Variants in NHLRC2 observed in about 807,000 individuals in gnomAD.
NHLRC2 encodes the protein NHL repeat-containing protein 2.
Under a neutral mutation model 68.1 loss-of-function variants are expected in NHLRC2, and 33 were observed. The ratio of observed to expected loss-of-function variants is 0.48; its 90% CI spans 0.37 to 0.65. The LOEUF is 0.65. NHLRC2 is among the 30% of genes least tolerant of loss of function. The probability of loss-of-function intolerance (pLI) is 0.00; values close to 1 mark genes in which losing one functional copy is unlikely to be tolerated. For missense variants in NHLRC2, 761 were observed against 853.8 expected, an observed-to-expected ratio of 0.89 and a Z score of 1.35; for synonymous variants, 311 against 309.6, an observed-to-expected ratio of 1.00 and a Z score of -0.05.
intron 2 of NHLRC2, among the ~76,000 whole-genome samples, chr10:113,863,102 C>A (rs532263114): frequency 6.6e-6 from 1 of 152,124 alleles, no homozygotes; most frequent in African/African-American, 2.4e-5. Context: ...GACAATTCTA[C>A]AATAGTAGTT....
At position 113,916,461 on chromosome 10, in the gene NHLRC2, A is replaced by G. The variant is rs1419809675; in HGVS notation, c.*7925A>G. The stretch of plus-strand genomic sequence containing the variant: ...ATAGCTCAGTTTTTAAAGGAGGGGA[A>G]CAATACCCCATGAGTTCAAATTAAT... On this transcript the variant is annotated 3_prime_UTR_variant, in exon 11 of 11. Coordinates refer to ENST00000369301, the MANE Select transcript of NHLRC2 (RefSeq NM_198514.4). The G allele has an allele frequency of 6.6e-6, 1 of 152,346 alleles. No individual in the cohort carries two copies. The highest frequency in any genetic ancestry group is 6.5e-5 in the Admixed American group (1 of 15,302). 9.4% of individuals were successfully genotyped at this position (152,346 alleles called of 1,614,324 possible). A position where few individuals can be genotyped will look rare whatever the true frequency, so the allele number is the denominator to read the frequency against.
rs1156422766 is a variant in NHLRC2, at chr10:113,909,656, GT to G, written c.*1122del. On this transcript the variant is annotated 3_prime_UTR_variant, in exon 11 of 11. Transcript: ENST00000369301. ...TTAATGATACTATTTTTTAATTTTTGTTGTTTTTTATCCCTAAAAAAAGATA... is the reference window on the plus strand; with the variant it reads ...TTAATGATACTATTTTTTAATTTTTGTGTTTTTTATCCCTAAAAAAAGATA... 6.6e-6 allele frequency: 1 copy of G among 151,450 alleles called. No individual in the cohort carries two copies. The highest frequency in any genetic ancestry group is 2.4e-5 in the African/African-American group (1 of 41,218). The allele number at this position is 151,450 out of a possible 1,614,324, so 9.4% of individuals were successfully genotyped here.
rs370350427 is a variant in NHLRC2, at chr10:113,885,482, A to G, written c.1039+1102A>G. Among the ~76,000 whole-genome samples, 26 of 152,076 alleles carry G rather than the reference A, an allele frequency of 1.7e-4. No homozygotes were observed. The South Asian group carries it at 4.3e-3, about 25-fold the overall frequency. ...TGAACTAAAATTCAGTCTCCATTTT[A>G]TTACCATGCATTAGCAATTCTAAAT... On this transcript the variant is annotated intron_variant, in intron 5 of 10. Transcript: ENST00000369301.
At chr10:113,879,120 G>C (rs575441820) in intron 3 of NHLRC2, among the ~76,000 whole-genome samples, 1 of 152,250 alleles carries the variant, frequency 6.6e-6, no homozygotes, top group African/African-American at 2.4e-5. Flanking sequence ...TTAATCTGGG[G>C]TCCTTGGACT....
Position 113,876,693 on chromosome 10 carries a change from T to C in NHLRC2, c.504T>C (p.Leu168=). The change falls in exon 3 of 11, where the codon CTT becomes CTC. Residue 168 remains leucine, a synonymous_variant. Transcript: ENST00000369301. ...CCTGCTGGCCAACTCTAGTCATACT[T>C]GGACCTCGTGGAAACATGTTGTTTT... ...EVSCWPTLVI[L]GPRGNMLFSL... The C allele has an allele frequency of 6.2e-7, 1 of 1,613,986 alleles. No homozygotes were observed. The highest frequency in any genetic ancestry group is 1.1e-5 in the South Asian group (1 of 91,082).
At chr10:113,859,494 A>AG (rs1218117030) in intron 2 of NHLRC2, among the ~76,000 whole-genome samples, 3 of 152,184 alleles carry the variant, frequency 2.0e-5, no homozygotes, top group Non-Finnish European at 4.4e-5. Context: ...TTAACTTTAA[A>AG]GGGGAAGTGA....
rs1846297724 is a variant in NHLRC2 at position 113,908,795 on chromosome 10, T to G, written c.*259T>G. On this transcript the variant is annotated 3_prime_UTR_variant, in exon 11 of 11. Coordinates refer to ENST00000369301, the MANE Select transcript of NHLRC2 (RefSeq NM_198514.4). ...TGATATTGTAATCTATGCTGCTATT[T>G]GGCACAAGACTGAAGTTCACACTAC... 2 of 469,170 alleles carry G rather than the reference T, an allele frequency of 4.3e-6. No homozygotes were observed. Among genetic ancestry groups the G allele is most frequent in the Admixed American group, 7.1e-5 (2 of 28,342 alleles). 29.1% of individuals were successfully genotyped at this position (469,170 alleles called of 1,614,324 possible). A position where few individuals can be genotyped will look rare whatever the true frequency, so the allele number is the denominator to read the frequency against.
rs17235038 is a variant in NHLRC2, at chr10:113,854,981, C to T, written c.109C>T (p.Leu37=). Residue 37 remains leucine, a synonymous_variant, in exon 1 of 11, where the codon CTG becomes TTG. Coordinates refer to ENST00000369301, the MANE Select transcript of NHLRC2 (RefSeq NM_198514.4). ...CGTTACCCAGCAGGAGAAGGACAGC[C>T]TGGTCTACCAGTATCTGCAGAAGGT... The part of the protein sequence containing the change: ...DAVTQQEKDS[L]VYQYLQKVDG... 37,899 of 1,553,452 alleles carry T rather than the reference C, an allele frequency of 0.024. 559 individuals are homozygous for T. The highest frequency in any genetic ancestry group is 0.036 in the Middle Eastern group (214 of 5,960).
intron 5 of NHLRC2, among the ~76,000 whole-genome samples, chr10:113,895,177 G>A (rs1846165996): frequency 6.6e-6 from 1 of 152,144 alleles, no homozygotes; most frequent in Admixed American, 6.5e-5. Context: ...TGAATCATTA[G>A]TACTATTAGG....
chr10:113,869,810 A>G (rs1845905486), intron 2 of NHLRC2, among the ~76,000 whole-genome samples: 1 of 152,242 alleles, frequency 6.6e-6, no homozygotes, highest in Non-Finnish European at 1.5e-5. Context: ...GTTATAAATA[A>G]TTACTGTGAT....
rs1439373807 is a variant in NHLRC2 at position 113,910,144 on chromosome 10, A to G, written c.*1608A>G. The G allele has an allele frequency of 6.6e-6, 1 of 152,184 alleles. No individual in the cohort carries two copies. Among genetic ancestry groups the G allele is most frequent in the Non-Finnish European group, 1.5e-5 (1 of 68,030 alleles). The allele number at this position is 152,184 out of a possible 1,614,324, so 9.4% of individuals were successfully genotyped here. A position where few individuals can be genotyped will look rare whatever the true frequency, so the allele number is the denominator to read the frequency against. ...CTCCACAAGCAATCAAAAAAATGAA[A>G]TGTTCTGTAATAAAAGGGTGTATAA... On this transcript the variant is annotated 3_prime_UTR_variant, in exon 11 of 11. Transcript: ENST00000369301.
intron 3 of NHLRC2, among the ~76,000 whole-genome samples, 177 bp downstream of exon 3, chr10:113,877,153 T>A (rs1845991294): frequency 6.6e-6 from 1 of 152,066 alleles, no homozygotes; most frequent in Admixed American, 6.6e-5. Context: ...ATTAACCTCT[T>A]CTCACTCCCT....
In NHLRC2 at chr10:113,905,086, T is replaced by A. The variant is rs765039346; in HGVS notation, c.1924+50T>A. The stretch of plus-strand genomic sequence containing the variant: ...TAATACATCATATATTCTTGATGTT[T>A]AATCTAGTTATTTTTTATTTGTTAG... On this transcript the variant is annotated intron_variant, in intron 10 of 10. Transcript: ENST00000369301. 3.2e-6 allele frequency: 3 copies of A among 942,044 alleles called. No individual in the cohort carries two copies. In the Admixed American group the frequency reaches 8.1e-5, roughly 25 times the overall value. 58.4% of individuals were successfully genotyped at this position (942,044 alleles called of 1,614,324 possible). A position where few individuals can be genotyped will look rare whatever the true frequency, so the allele number is the denominator to read the frequency against.
chr10:113,896,792 AG>A (rs1227086131), intron 5 of NHLRC2, among the ~76,000 whole-genome samples: 1 of 152,052 alleles, frequency 6.6e-6, no homozygotes, highest in Non-Finnish European at 1.5e-5. Context: ...TAGGAGATCG[AG>A]ACCATCCTGG....
chr10:113,863,046 A>G (rs1488096370), intron 2 of NHLRC2, among the ~76,000 whole-genome samples: 1 of 152,220 alleles, frequency 6.6e-6, no homozygotes, highest in Non-Finnish European at 1.5e-5. Flanking sequence ...ACTTAATAAC[A>G]GACAAAATAT....
chr10:113,876,443 T>A (rs1845980759), intron 2 of NHLRC2, 78 bp from the exon 3 acceptor site: 2 of 809,826 alleles, frequency 2.5e-6, no homozygotes, highest in Non-Finnish European at 3.7e-6. Context: ...ATATTTGTGA[T>A]CCAAAACCTA....
At chr10:113,885,288 T>C (rs969349881) in intron 5 of NHLRC2, among the ~76,000 whole-genome samples, 1 of 151,956 alleles carries the variant, frequency 6.6e-6, no homozygotes, top group African/African-American at 2.4e-5. Context: ...CTACCCGCAC[T>C]TAACACTTAA....
At chr10:113,898,024 C>T in intron 5 of NHLRC2, 86 bp from the exon 6 acceptor site, 1 of 626,094 alleles carries the variant, frequency 1.6e-6, no homozygotes, top group Non-Finnish European at 2.6e-6. Flanking sequence ...ATATTGTTAT[C>T]CTCCATAAAT....
In NHLRC2 at chr10:113,898,093, G is replaced by T. The variant is rs1484667794; in HGVS notation, c.1040-17G>T. On this transcript the variant is annotated splice_polypyrimidine_tract_variant and intron_variant, in intron 5 of 10. Transcript: ENST00000369301. ...AACCAGATATGTATATAATAATAATGATTTATTTTTATAAAGGTTCAGAGG... is the reference window on the plus strand; with the variant it reads ...AACCAGATATGTATATAATAATAATTATTTATTTTTATAAAGGTTCAGAGG... 1.4e-6 allele frequency: 2 copies of T among 1,472,520 alleles called. No homozygotes were observed. Among genetic ancestry groups the T allele is most frequent in the East Asian group, 4.7e-5 (2 of 42,858 alleles). 91.2% of individuals were successfully genotyped at this position (1,472,520 alleles called of 1,614,324 possible). A position where few individuals can be genotyped will look rare whatever the true frequency, so the allele number is the denominator to read the frequency against.
Sources: allele counts gnomAD v4.1 joint callset (sites outside exome capture counted in the v4.1 genomes callset), GRCh38; gene constraint gnomAD v4.1.1; transcripts MANE v1.5; gene names NCBI Gene and HGNC (gene_info 2026-07-23, HGNC 2026-07-21).